The following ZNF385D variants were observed in gnomAD, a reference collection of about 807,000 sequenced individuals.
ZNF385D encodes zinc finger protein 385D.
Under a neutral mutation model 35.8 loss-of-function variants are expected in ZNF385D, and 15 were observed. The observed-to-expected ratio is 0.42, with a 90% CI of 0.28 to 0.64. The LOEUF (loss-of-function observed/expected upper bound fraction) is 0.64. ZNF385D is among the 30% of genes least tolerant of loss of function. The pLI is 0.23. For missense variants in ZNF385D, 474 were observed against 494.6 expected (o/e 0.96, Z 0.39); for synonymous variants, 212 against 186.8 (o/e 1.13, Z -1.10).
intron 2 of ZNF385D, among the ~76,000 whole-genome samples, chr3:21,566,540 G>C (rs547167520): frequency 1.6e-4 from 24 of 152,232 alleles, no homozygotes; most frequent in African/African-American, 5.3e-4. Flanking sequence ...TGAGGCAGGA[G>C]AATCGCTTGA....
intron 3 of ZNF385D, among the ~76,000 whole-genome samples, chr3:22,105,573 G>A (rs1362168695): frequency 6.6e-6 from 1 of 152,148 alleles, no homozygotes; most frequent in African/African-American, 2.4e-5. Context: ...AGACCTGAAA[G>A]CCAGAGAGCT....
At chr3:21,694,129 C>T (rs1213908545) in intron 1 of ZNF385D, among the ~76,000 whole-genome samples, 1 of 147,566 alleles carries the variant, frequency 6.8e-6, no homozygotes, top group African/African-American at 2.5e-5. Flanking sequence ...CTGCAAGCTC[C>T]GCCTCCCGGG....
chr3:21,452,787 T>C (rs1702539948), intron 4 of ZNF385D, among the ~76,000 whole-genome samples: 1 of 151,980 alleles, frequency 6.6e-6, no homozygotes. Context: ...ACTATCTAAA[T>C]TAGTCCACAT....
chr3:22,137,907 A>G (rs560475382), intron 3 of ZNF385D, among the ~76,000 whole-genome samples: 139 of 152,190 alleles, frequency 9.1e-4, no homozygotes, highest in African/African-American at 3.2e-3. Flanking sequence ...ACATGATTGT[A>G]TATCTAGAAA....
chr3:21,667,786 A>C (rs1272469625), intron 1 of ZNF385D, among the ~76,000 whole-genome samples: 1 of 152,238 alleles, frequency 6.6e-6, no homozygotes, highest in Non-Finnish European at 1.5e-5. Context: ...GATATAAATA[A>C]TAAAAATATG....
At chr3:21,666,670 C>A (rs1397549255) in intron 1 of ZNF385D, among the ~76,000 whole-genome samples, 2 of 152,118 alleles carry the variant, frequency 1.3e-5, no homozygotes, top group Non-Finnish European at 2.9e-5. Context: ...TTAGAGAGGG[C>A]ATCCATAAAA....
chr3:21,571,124 AAC>A (rs1428920652), intron 2 of ZNF385D, among the ~76,000 whole-genome samples: 1 of 152,174 alleles, frequency 6.6e-6, no homozygotes, highest in Non-Finnish European at 1.5e-5. Context: ...AAAGAGATGG[AAC>A]ATTTTCAGCA....
At chr3:21,817,967 G>T (rs1386203385) in intron 3 of ZNF385D, among the ~76,000 whole-genome samples, 7 of 152,118 alleles carry the variant, frequency 4.6e-5, no homozygotes, top group Admixed American at 2.6e-4. Context: ...AGAAAATTTG[G>T]CACATATACA....
chr3:21,975,486 C>A (rs1255399502), intron 3 of ZNF385D, among the ~76,000 whole-genome samples: 1 of 151,828 alleles, frequency 6.6e-6, no homozygotes, highest in Non-Finnish European at 1.5e-5. Flanking sequence ...TATTTGATAG[C>A]ACAACAAGGT....
At chr3:22,208,587 G>A (rs1697309360) in intron 2 of ZNF385D, among the ~76,000 whole-genome samples, 1 of 151,468 alleles carries the variant, frequency 6.6e-6, no homozygotes, top group Non-Finnish European at 1.5e-5. Context: ...TAACAAAAAG[G>A]ATAAATGCTT....
At chr3:21,479,085 A>G (rs1285573866) in intron 4 of ZNF385D, among the ~76,000 whole-genome samples, 1 of 151,824 alleles carries the variant, frequency 6.6e-6, no homozygotes, top group Non-Finnish European at 1.5e-5. Context: ...ACATTATTTC[A>G]GATAAAAACA....
At chr3:21,676,451 C>A (rs2066732808) in intron 1 of ZNF385D, among the ~76,000 whole-genome samples, 1 of 151,894 alleles carries the variant, frequency 6.6e-6, no homozygotes, top group East Asian at 1.9e-4. Context: ...AAAATCAGTT[C>A]CTAATGGAAT....
intron 2 of ZNF385D, among the ~76,000 whole-genome samples, chr3:22,180,968 T>C (rs1197601979): frequency 1.3e-5 from 2 of 149,466 alleles, no homozygotes; most frequent in Non-Finnish European, 3.0e-5. Context: ...TCATTTATAA[T>C]GCTTAAAGTC....
At chr3:21,620,838 C>T (rs997684258) in intron 2 of ZNF385D, among the ~76,000 whole-genome samples, 5 of 152,240 alleles carry the variant, frequency 3.3e-5, no homozygotes, top group Admixed American at 1.3e-4. Context: ...GCGCACGGAG[C>T]CCCCAAAAGG....
chr3:21,943,091 A>G (rs1238373680), intron 3 of ZNF385D, among the ~76,000 whole-genome samples: 1 of 152,180 alleles, frequency 6.6e-6, no homozygotes, highest in Non-Finnish European at 1.5e-5. Flanking sequence ...TCTTAACTTT[A>G]GGCTAAATTC....
intron 2 of ZNF385D, 96 bp downstream of exon 2, chr3:21,664,790 T>C (rs1207917807): frequency 1.3e-6 from 2 of 1,524,324 alleles, no homozygotes; most frequent in Non-Finnish European, 1.8e-6. Context: ...ATGAACAATA[T>C]AGCAAAATGG....
At chr3:21,844,264 G>C (rs17009780) in intron 3 of ZNF385D, among the ~76,000 whole-genome samples, 6,340 of 151,886 alleles carry the variant, frequency 0.042, 453 homozygotes, top group African/African-American at 0.14. Flanking sequence ...TTGTGGTTTT[G>C]TTTCATTCTT....
At chr3:22,268,452 A>G (rs764011873) in intron 2 of ZNF385D, among the ~76,000 whole-genome samples, 4 of 152,010 alleles carry the variant, frequency 2.6e-5, no homozygotes, top group Non-Finnish European at 5.9e-5. Flanking sequence ...GAGGATAGTA[A>G]ATATTATCTG....
At chr3:21,789,731 G>A (rs2071848093) in intron 3 of ZNF385D, among the ~76,000 whole-genome samples, 1 of 152,184 alleles carries the variant, frequency 6.6e-6, no homozygotes, top group African/African-American at 2.4e-5. Flanking sequence ...ATAAATCAAG[G>A]AAAGAAATTA....
Sources: gnomAD v4.1 joint callset for allele counts (sites outside exome capture counted in the v4.1 genomes callset) on GRCh38, gnomAD v4.1.1 for gene constraint, MANE v1.5 for transcripts, NCBI Gene and HGNC (gene_info 2026-07-23, HGNC 2026-07-21) for gene names.